The following DTNBP1 variants were observed in gnomAD, a reference collection of about 807,000 sequenced individuals.
The protein encoded by DTNBP1 is dysbindin.
Under a neutral mutation model 42.8 loss-of-function variants are expected in DTNBP1, and 35 were observed. The observed-to-expected ratio is 0.82, with a 90% CI of 0.63 to 1.09. The LOEUF is 1.09. DTNBP1 is among the 50% of genes least tolerant of loss of function. DTNBP1 has a pLI of 0.00. For synonymous variants in DTNBP1, 171 were observed against 162.2 expected (o/e 1.05, Z -0.41); for missense variants, 457 against 424.2 (o/e 1.08, Z -0.68).
In DTNBP1 at chr6:15,522,995, C is replaced by T; in HGVS notation, c.1036G>A (p.Gly346Ser). Residue 346 changes from glycine (G) to serine (S), a missense_variant, in exon 10 of 10, where the codon GGT (glycine) becomes AGT (serine). By Grantham distance (56) the Gly-to-Ser change is moderately conservative. Transcript: ENST00000344537. ...CCAATTTAAGAGTCGCTGTCCTCACCACCATCCGGAGTGGCCTCTCTGTCA... is the reference window on the plus strand; with the variant it reads ...CCAATTTAAGAGTCGCTGTCCTCACTACCATCCGGAGTGGCCTCTCTGTCA... ...HTDREATPDG[G>S]EDSDS 1 of 1,614,230 alleles carries T rather than the reference C, an allele frequency of 6.2e-7. No individual in the cohort carries two copies. Among genetic ancestry groups the T allele is most frequent in the East Asian group, 2.2e-5 (1 of 44,884 alleles).
chr6:15,652,054 C>A lies in DTNBP1; in HGVS notation c.110+33G>T, dbSNP rs762734585. On this transcript the variant is annotated intron_variant, in intron 2 of 9. Coordinates refer to ENST00000344537, the MANE Select transcript of DTNBP1 (RefSeq NM_032122.5). ...ACCAAAAGTTGTATGAAATTTAAGTCACAGTTAAGTTAAAATCTTAGCACA... is the reference window on the plus strand; with the variant it reads ...ACCAAAAGTTGTATGAAATTTAAGTAACAGTTAAGTTAAAATCTTAGCACA... 4.4e-6 allele frequency: 7 copies of A among 1,598,856 alleles called. No individual in the cohort carries two copies. In the South Asian group the frequency reaches 6.6e-5, roughly 15 times the overall value.
At chr6:15,657,661 TA>T (rs1761359756) in intron 1 of DTNBP1, among the ~76,000 whole-genome samples, 1 of 152,232 alleles carries the variant, frequency 6.6e-6, no homozygotes, top group South Asian at 2.1e-4. Flanking sequence ...CTAGATATTC[TA>T]GACAGTCTGC....
intron 3 of DTNBP1, among the ~76,000 whole-genome samples, chr6:15,641,361 GC>G (rs1760341213): frequency 6.6e-6 from 1 of 152,294 alleles, no homozygotes; most frequent in South Asian, 2.1e-4. Context: ...CTGTCAGAGT[GC>G]CCAAGGGAAG....
At chr6:15,641,216 CGT>C (rs1562008309) in intron 3 of DTNBP1, among the ~76,000 whole-genome samples, 2 of 151,972 alleles carry the variant, frequency 1.3e-5, no homozygotes, top group Non-Finnish European at 2.9e-5. Context: ...GGTGTGTGTG[CGT>C]GTTTTTGTTT....
chr6:15,654,027 AT>A, intron 1 of DTNBP1, among the ~76,000 whole-genome samples: 1 of 152,304 alleles, frequency 6.6e-6, no homozygotes, highest in South Asian at 2.1e-4. Flanking sequence ...GATAAACTGC[AT>A]TTTTTTAAAA....
intron 7 of DTNBP1, among the ~76,000 whole-genome samples, chr6:15,568,870 T>C (rs1186096000): frequency 6.6e-6 from 1 of 152,232 alleles, no homozygotes; most frequent in Admixed American, 6.5e-5. Flanking sequence ...TTCCGCTCAA[T>C]AGTAGGCTAT....
chr6:15,550,655 T>C (rs537046438), intron 7 of DTNBP1, among the ~76,000 whole-genome samples: 1 of 152,362 alleles, frequency 6.6e-6, no homozygotes, highest in African/African-American at 2.4e-5. Context: ...CACTTTCAAT[T>C]ATAAGCTGTT....
intron 3 of DTNBP1, among the ~76,000 whole-genome samples, chr6:15,646,559 A>G (rs1173941102): frequency 6.6e-6 from 1 of 152,132 alleles, no homozygotes; most frequent in East Asian, 1.9e-4. Flanking sequence ...CTGAATAGCC[A>G]AAGCAATCCA....
intron 5 of DTNBP1, among the ~76,000 whole-genome samples, chr6:15,616,727 G>A (rs1013075296): frequency 2.0e-5 from 3 of 152,122 alleles, no homozygotes; most frequent in African/African-American, 4.8e-5. Flanking sequence ...ACAATTATAG[G>A]TTTATTGTAA....
intron 5 of DTNBP1, among the ~76,000 whole-genome samples, chr6:15,623,150 C>G (rs973262943): frequency 1.3e-5 from 2 of 152,170 alleles, no homozygotes; most frequent in Non-Finnish European, 2.9e-5. Flanking sequence ...TAAAAGGTGT[C>G]TAAGAGAATT....
chr6:15,573,957 G>A (rs903281161), intron 7 of DTNBP1, among the ~76,000 whole-genome samples: 2 of 152,032 alleles, frequency 1.3e-5, no homozygotes, highest in African/African-American at 2.4e-5. Context: ...CACCCACCTC[G>A]GCCTCCCAAA....
intron 7 of DTNBP1, among the ~76,000 whole-genome samples, chr6:15,539,999 T>C (rs948162847): frequency 6.6e-6 from 1 of 152,234 alleles, no homozygotes; most frequent in African/African-American, 2.4e-5. Flanking sequence ...TGTTGGCCAA[T>C]AGCTGGCAGC....
chr6:15,638,801 C>T (rs1467307505), intron 3 of DTNBP1, among the ~76,000 whole-genome samples: 1 of 151,112 alleles, frequency 6.6e-6, no homozygotes, highest in Admixed American at 6.6e-5. Context: ...TAGAAAAATC[C>T]AAATTCATAG....
intron 5 of DTNBP1, among the ~76,000 whole-genome samples, chr6:15,624,701 G>T (rs948690169): frequency 1.3e-5 from 2 of 151,926 alleles, no homozygotes; most frequent in South Asian, 2.1e-4. Flanking sequence ...AAATATAATC[G>T]GTTACCATTT....
At chr6:15,662,665 G>A in intron 1 of DTNBP1, 149 bp downstream of exon 1, 1 of 1,210,546 alleles carries the variant, frequency 8.3e-7, no homozygotes, top group African/African-American at 1.5e-5. Context: ...ACGCCGGGAA[G>A]TTCGTTACTT....
intron 8 of DTNBP1, 99 bp from the exon 9 acceptor site, chr6:15,524,768 A>G: frequency 6.5e-7 from 1 of 1,539,602 alleles, no homozygotes; most frequent in Non-Finnish European, 8.7e-7. Flanking sequence ...GCATTTCCTA[A>G]GCTTCCTTCA....
intron 4 of DTNBP1, among the ~76,000 whole-genome samples, chr6:15,632,042 T>G (rs187086593): frequency 6.6e-6 from 1 of 152,128 alleles, no homozygotes; most frequent in Non-Finnish European, 1.5e-5. Context: ...CCAAGCAAGG[T>G]TGAACATATT....
rs188732879 is a variant in DTNBP1, at chr6:15,567,920, T to C, written c.511+25139A>G. Among the ~76,000 whole-genome samples, 13 of 152,256 alleles carry C rather than the reference T, an allele frequency of 8.5e-5. No individual in the cohort carries two copies. In the South Asian group the frequency reaches 2.1e-3, roughly 24 times the overall value. On this transcript the variant is annotated intron_variant, in intron 7 of 9. Transcript: ENST00000344537. ...TTAAAATCTCTCCAATTCAGTAAAA[T>C]AGGAACAAGAACATTACGAGTTGCT...
intron 7 of DTNBP1, among the ~76,000 whole-genome samples, chr6:15,544,195 T>G (rs1773743455): frequency 6.6e-6 from 1 of 152,206 alleles, no homozygotes; most frequent in Non-Finnish European, 1.5e-5. Flanking sequence ...GAGACTCGCT[T>G]TTTTCACTCA....
Sources: gnomAD v4.1 joint callset for allele counts (sites outside exome capture counted in the v4.1 genomes callset) on GRCh38, gnomAD v4.1.1 for gene constraint, MANE v1.5 for transcripts, NCBI Gene and HGNC (gene_info 2026-07-23, HGNC 2026-07-21) for gene names.